ADCY8: variants seen among roughly 807,000 people sequenced by gnomAD.
ADCY8 encodes adenylate cyclase type 8.
ADCY8 carries 51 observed loss-of-function variants against 119.7 expected under a neutral mutation model. The observed-to-expected ratio is 0.43, with a 90% CI of 0.34 to 0.54. The LOEUF is 0.54. Among genes scored for constraint, ADCY8 ranks in the 20% least tolerant of loss-of-function variants. The pLI is 0.03. For synonymous variants in ADCY8, 665 were observed against 651.0 expected (o/e 1.02, Z -0.33); for missense variants, 1,383 against 1,598.8 (o/e 0.87, Z 2.30).
In ADCY8 at chr8:130,783,677, C is replaced by G. The variant is rs772594173; in HGVS notation, c.3268+14G>C. 6.3e-7 allele frequency: 1 copy of G among 1,597,992 alleles called. No individual in the cohort carries two copies. The highest frequency in any genetic ancestry group is 1.1e-5 in the South Asian group (1 of 89,472). On this transcript the variant is annotated intron_variant, in intron 17 of 17. Transcript: ENST00000286355. ...AGCTGGCTCTATCAGGCCCCACCTG[C>G]AGCTGCTACTCACCAATCCGGAGTT...
chr8:130,858,052 C>A (rs1817805347), intron 9 of ADCY8, among the ~76,000 whole-genome samples: 1 of 152,156 alleles, frequency 6.6e-6, no homozygotes, highest in African/African-American at 2.4e-5. Flanking sequence ...GTGGCTCCTG[C>A]ATTCTTTTGA....
intron 5 of ADCY8, among the ~76,000 whole-genome samples, chr8:130,924,516 G>A (rs1262053247): frequency 2.0e-5 from 3 of 152,084 alleles, no homozygotes; most frequent in Non-Finnish European, 2.9e-5. Flanking sequence ...CTTGTGCAGG[G>A]TGCCACCACT....
At chr8:130,834,498 A>G (rs996665073) in intron 12 of ADCY8, among the ~76,000 whole-genome samples, 3 of 152,224 alleles carry the variant, frequency 2.0e-5, no homozygotes, top group Non-Finnish European at 4.4e-5. Flanking sequence ...TAAAAAGTGG[A>G]AAACGCAGAT....
At position 131,039,824 on chromosome 8, in the gene ADCY8, G is replaced by C; in HGVS notation, c.510C>G (p.Tyr170Ter). 6 of 1,614,214 alleles carry C rather than the reference G, an allele frequency of 3.7e-6. No individual in the cohort carries two copies. The highest frequency in any genetic ancestry group is 5.1e-6 in the Non-Finnish European group (6 of 1,180,030). ...SFKSRDLERLYQRYFLGQRRK... is the reference protein window; with the variant it reads ...SFKSRDLERL ...GCCTTTGGCCCAAGAAATAGCGCTG[G>C]TAGAGGCGTTCCAAATCCCGAGATT... The change falls in exon 1 of 18, where the codon TAC becomes TAG. Residue 170 changes from tyrosine (Y) to a stop codon, truncating the protein, a stop_gained. Transcript: ENST00000286355. LOFTEE classifies it high-confidence loss of function.
intron 2 of ADCY8, among the ~76,000 whole-genome samples, chr8:130,961,235 A>T (rs975340015): frequency 2.0e-5 from 3 of 152,020 alleles, no homozygotes. Flanking sequence ...CAGCCTTCTG[A>T]GTAGCTGGGA....
At chr8:130,801,019 A>T (rs903136502) in intron 14 of ADCY8, among the ~76,000 whole-genome samples, 1 of 152,120 alleles carries the variant, frequency 6.6e-6, no homozygotes, top group Non-Finnish European at 1.5e-5. Context: ...CCACCTCCTA[A>T]TACCATCACC....
At chr8:130,905,629 C>T (rs1420327018) in intron 6 of ADCY8, among the ~76,000 whole-genome samples, 1 of 152,082 alleles carries the variant, frequency 6.6e-6, no homozygotes, top group East Asian at 1.9e-4. Context: ...GAAGCCGAGA[C>T]TGGTGAATTG....
At chr8:130,865,653 A>G (rs1818090082) in intron 9 of ADCY8, among the ~76,000 whole-genome samples, 1 of 152,172 alleles carries the variant, frequency 6.6e-6, no homozygotes, top group African/African-American at 2.4e-5. Context: ...TCAGAGTTCT[A>G]GAAAGAGCAT....
At chr8:130,848,443 AAATTAGATGAT>A (rs371972558) in intron 10 of ADCY8, among the ~76,000 whole-genome samples, 13 of 152,220 alleles carry the variant, frequency 8.5e-5, no homozygotes, top group African/African-American at 3.1e-4. Flanking sequence ...ATGATGAACT[AAATTAGATGAT>A]AATTTTCCTT....
At position 131,039,496 on chromosome 8, in the gene ADCY8, C is replaced by A; in HGVS notation, c.838G>T (p.Ala280Ser). The A allele has an allele frequency of 6.2e-7, 1 of 1,613,974 alleles. No individual in the cohort carries two copies. The highest frequency in any genetic ancestry group is 1.1e-5 in the South Asian group (1 of 91,084). Residue 280 changes from alanine to serine, a missense_variant, in exon 1 of 18, where the codon GCC (alanine) becomes TCC (serine). Coordinates refer to ENST00000286355, the MANE Select transcript of ADCY8 (RefSeq NM_001115.3). The stretch of plus-strand genomic sequence containing the variant: ...GGCAGCGGCAGCATACTGTAGGTGG[C>A]GAAGAGCGTGAAGAGCACGTAGCCT... Reference protein sequence around the residue: ...GIGYVLFTLFATYSMLPLPLT... With the variant: ...GIGYVLFTLFSTYSMLPLPLT...
Position 131,003,206 on chromosome 8 carries a change from T to TCACACA in ADCY8, c.961-12670_961-12665dup, listed in dbSNP as rs1554624274. Among the ~76,000 whole-genome samples the TCACACA allele has an allele frequency of 1.5e-3, 207 of 137,578 alleles. 2 individuals are homozygous for TCACACA. The highest frequency in any genetic ancestry group is 4.6e-3 in the African/African-American group (165 of 35,868). 90.3% of individuals were successfully genotyped at this position (137,578 alleles called of 152,430 possible). A position where few individuals can be genotyped will look rare whatever the true frequency, so the allele number is the denominator to read the frequency against. The stretch of plus-strand genomic sequence containing the variant: ...CCTGGGCAACAAGAGTGAAACACCA[T>TCACACA]CACACACACACACACACACACACAC... On this transcript the variant is annotated intron_variant, in intron 1 of 17. Transcript: ENST00000286355.
At chr8:130,833,502 A>G (rs1474532340) in intron 12 of ADCY8, among the ~76,000 whole-genome samples, 4 of 152,332 alleles carry the variant, frequency 2.6e-5, no homozygotes, top group Non-Finnish European at 5.9e-5. Context: ...AATGTGGTAT[A>G]CGAACACAAT....
intron 1 of ADCY8, among the ~76,000 whole-genome samples, chr8:130,997,754 T>A (rs1822824651): frequency 6.6e-6 from 1 of 152,204 alleles, no homozygotes; most frequent in African/African-American, 2.4e-5. Flanking sequence ...ACCACTCCAT[T>A]GTGGCAGTAG....
At chr8:130,918,631 G>A (rs761524638) in intron 5 of ADCY8, among the ~76,000 whole-genome samples, 6 of 152,142 alleles carry the variant, frequency 3.9e-5, no homozygotes, top group Non-Finnish European at 5.9e-5. Flanking sequence ...AATTTTAGAT[G>A]TCAACTTAGA....
At position 131,040,394 on chromosome 8, in the gene ADCY8, C is replaced by T. The variant is rs1824352812; in HGVS notation, c.-61G>A. On this transcript the variant is annotated 5_prime_UTR_variant, in exon 1 of 18. Transcript: ENST00000286355. ...GGGGAGGCAGCCGGAGGAGGGGTTCCTAAAGACTCAAAGGCGGCCTGGTAG... is the reference window on the plus strand; with the variant it reads ...GGGGAGGCAGCCGGAGGAGGGGTTCTTAAAGACTCAAAGGCGGCCTGGTAG... The T allele has an allele frequency of 7.0e-7, 1 of 1,427,450 alleles. No homozygotes were observed. The highest frequency in any genetic ancestry group is 2.7e-5 in the Admixed American group (1 of 36,886). 88.4% of individuals were successfully genotyped at this position (1,427,450 alleles called of 1,614,324 possible). A position where few individuals can be genotyped will look rare whatever the true frequency, so the allele number is the denominator to read the frequency against.
At chr8:130,998,459 G>C (rs1412600373) in intron 1 of ADCY8, among the ~76,000 whole-genome samples, 1 of 152,142 alleles carries the variant, frequency 6.6e-6, no homozygotes, top group African/African-American at 2.4e-5. Context: ...AGCCTTGTGG[G>C]AGCCTGGGGA....
chr8:130,856,115 C>T (rs984329667), intron 9 of ADCY8, among the ~76,000 whole-genome samples: 2 of 151,992 alleles, frequency 1.3e-5, no homozygotes, highest in Non-Finnish European at 2.9e-5. Context: ...CCTTTAGGAG[C>T]CAGGTGAGCT....
At chr8:130,863,045 T>C (rs891131424) in intron 9 of ADCY8, among the ~76,000 whole-genome samples, 1 of 152,188 alleles carries the variant, frequency 6.6e-6, no homozygotes, top group African/African-American at 2.4e-5. Context: ...CTACATGATG[T>C]ATTAATTACT....
intron 12 of ADCY8, among the ~76,000 whole-genome samples, chr8:130,824,169 A>G (rs1369144807): frequency 6.6e-6 from 1 of 152,156 alleles, no homozygotes; most frequent in African/African-American, 2.4e-5. Context: ...TTAGTTTATT[A>G]TTAGTTCCCA....
Sources: allele counts gnomAD v4.1 joint callset (sites outside exome capture counted in the v4.1 genomes callset), GRCh38; gene constraint gnomAD v4.1.1; transcripts MANE v1.5; gene names NCBI Gene and HGNC (gene_info 2026-07-23, HGNC 2026-07-21).